Variants in BACH1 observed in about 807,000 individuals in gnomAD.
The protein encoded by BACH1 is transcription regulator protein BACH1.
In BACH1, 35 loss-of-function variants were observed where a neutral mutation model predicts 52.9. That is an observed-to-expected ratio of 0.66 (90% CI 0.51 to 0.88). BACH1 has a LOEUF of 0.88. Ranked by LOEUF, BACH1 falls within the 40% of genes least tolerant of loss-of-function variation. The pLI, the probability that BACH1 is intolerant of heterozygous loss-of-function variation, is 0.00. For synonymous variants in BACH1, 321 were observed against 319.6 expected (o/e 1.00, Z -0.05); for missense variants, 808 against 872.6 (o/e 0.93, Z 0.93).
At chr21:29,359,511 T>A (rs2089258508) in intron 2 of BACH1, 1 of 151,244 alleles carries the variant, frequency 6.6e-6, no homozygotes, top group Non-Finnish European at 1.5e-5. Context: ...TCATGAATCT[T>A]GAGACAATAA....
At chr21:29,325,216 C>T (rs149386570) in intron 2 of BACH1, among the ~76,000 whole-genome samples, 3 of 151,750 alleles carry the variant, frequency 2.0e-5, no homozygotes, top group South Asian at 2.1e-4. Context: ...GGCGACAGAG[C>T]GAGACTCCGT....
At chr21:29,355,924 C>T (rs988964055) in intron 2 of BACH1, among the ~76,000 whole-genome samples, 1 of 152,220 alleles carries the variant, frequency 6.6e-6, no homozygotes, top group Non-Finnish European at 1.5e-5. Flanking sequence ...GTAAAAACAA[C>T]ACTCTTCCCC....
chr21:29,325,432 A>G (rs571605402), intron 2 of BACH1, among the ~76,000 whole-genome samples: 5 of 152,124 alleles, frequency 3.3e-5, no homozygotes, highest in Admixed American at 6.5e-5. Context: ...CGAGTCCATG[A>G]ATTTTTGCTG....
At chr21:29,339,840 T>G (rs1394164616) in intron 4 of BACH1, among the ~76,000 whole-genome samples, 1 of 152,142 alleles carries the variant, frequency 6.6e-6, no homozygotes, top group Non-Finnish European at 1.5e-5. Flanking sequence ...TTCACCATGT[T>G]GGCTAAGCTG....
At chr21:29,322,425 G>C (rs148705646) in intron 2 of BACH1, among the ~76,000 whole-genome samples, 15 of 152,126 alleles carry the variant, frequency 9.9e-5, no homozygotes, top group African/African-American at 3.4e-4. Context: ...TTTTTCTCTG[G>C]TCTGTTGTGG....
In BACH1 at chr21:29,329,337, G is replaced by A; in HGVS notation, c.1570-150G>A. The A allele has an allele frequency of 1.4e-5, 7 of 484,644 alleles. No individual in the cohort carries two copies. In the South Asian group the frequency reaches 2.0e-4, roughly 14 times the overall value. 30.0% of individuals were successfully genotyped at this position (484,644 alleles called of 1,614,324 possible). Reference sequence around the variant, plus strand: ...TGTAGATCAGTGCAGATATCCTTTTGAGATTGTATAGAAATTGGGATAGAG... The same window carrying A: ...TGTAGATCAGTGCAGATATCCTTTTAAGATTGTATAGAAATTGGGATAGAG... On this transcript the variant is annotated intron_variant, in intron 3 of 4. Coordinates refer to ENST00000286800, the MANE Select transcript of BACH1 (RefSeq NM_001186.4).
chr21:29,357,331 G>A (rs933184148), intron 2 of BACH1, among the ~76,000 whole-genome samples: 1 of 152,116 alleles, frequency 6.6e-6, no homozygotes, highest in African/African-American at 2.4e-5. Flanking sequence ...TTAGCTACGG[G>A]GACTTCTAAG....
chr21:29,305,532 C>T (rs1203755193), intron 1 of BACH1, among the ~76,000 whole-genome samples: 2 of 152,126 alleles, frequency 1.3e-5, no homozygotes, highest in African/African-American at 4.8e-5. Context: ...CAACAGTGGT[C>T]ACAAATAGCA....
At chr21:29,317,240 C>A (rs73897764) in intron 1 of BACH1, among the ~76,000 whole-genome samples, 1,748 of 152,314 alleles carry the variant, frequency 0.011, 35 homozygotes, top group African/African-American at 0.04. Context: ...TGAAACCCAT[C>A]CCTGGTGCCA....
intron 2 of BACH1, among the ~76,000 whole-genome samples, chr21:29,359,724 A>T (rs1474106271): frequency 6.6e-6 from 1 of 152,136 alleles, no homozygotes. Context: ...AAAATAAAAA[A>T]GCTACATACC....
At chr21:29,334,397 C>T (rs991104244) in intron 4 of BACH1, among the ~76,000 whole-genome samples, 1 of 152,136 alleles carries the variant, frequency 6.6e-6, no homozygotes, top group Non-Finnish European at 1.5e-5. Flanking sequence ...TGCGCTCGGC[C>T]GACTTTTAAA....
In BACH1 at chr21:29,345,953, A is replaced by G. The variant is rs1204378471; in HGVS notation, c.*3120A>G. ...TATATCTTTCATAATATAATTTTCT[A>G]ACAATGCAATAAAACCACTAAACTT... is the stretch of plus-strand genomic sequence containing the variant. On this transcript the variant is annotated 3_prime_UTR_variant, in exon 5 of 5. Coordinates refer to ENST00000286800, the MANE Select transcript of BACH1 (RefSeq NM_001186.4). 2 of 152,636 alleles carry G rather than the reference A, an allele frequency of 1.3e-5. No homozygotes were observed. The highest frequency in any genetic ancestry group is 4.8e-5 in the African/African-American group (2 of 41,458). 9.5% of individuals were successfully genotyped at this position (152,636 alleles called of 1,614,324 possible).
At chr21:29,323,256 C>T (rs1272053918) in intron 2 of BACH1, among the ~76,000 whole-genome samples, 1 of 152,086 alleles carries the variant, frequency 6.6e-6, no homozygotes, top group Non-Finnish European at 1.5e-5. Context: ...CTCACATGTT[C>T]ACAAGGTGAA....
chr21:29,326,613 C>A lies in BACH1; in HGVS notation c.789C>A (p.Cys263Ter). ...VQPNERSENE[C>*]LGGVPECRDL... is the part of the protein sequence containing the mutation. Reference sequence around the variant, plus strand: ...CAAATGAAAGGTCTGAAAATGAATGCCTGGGAGGAGTCCCGGAGTGTAGAG... The same window carrying A: ...CAAATGAAAGGTCTGAAAATGAATGACTGGGAGGAGTCCCGGAGTGTAGAG... Residue 263 changes from cysteine (C) to a stop codon, truncating the protein, a stop_gained, in exon 3 of 5, where the codon TGC becomes TGA. Transcript: ENST00000286800. LOFTEE classifies it high-confidence loss of function. 1 of 1,614,154 alleles carries A rather than the reference C, an allele frequency of 6.2e-7. No individual in the cohort carries two copies. Among genetic ancestry groups the A allele is most frequent in the Non-Finnish European group, 8.5e-7 (1 of 1,180,028 alleles).
Position 29,345,533 on chromosome 21 carries a change from G to A in BACH1, c.*2700G>A, listed in dbSNP as rs116143045. On this transcript the variant is annotated 3_prime_UTR_variant, in exon 5 of 5. Transcript: ENST00000286800. Reference sequence around the variant, plus strand: ...TTCTTATTCAAATTCTGGAACTATAGCAAATAATTCGTTAAATTGTCATAT... The same window carrying A: ...TTCTTATTCAAATTCTGGAACTATAACAAATAATTCGTTAAATTGTCATAT... 2.2e-3 allele frequency: 336 copies of A among 152,184 alleles called. 1 individual carries two copies. The highest frequency in any genetic ancestry group is 7.8e-3 in the African/African-American group (323 of 41,508). The allele number at this position is 152,184 out of a possible 1,614,324, so 9.4% of individuals were successfully genotyped here. A position where few individuals can be genotyped will look rare whatever the true frequency, so the allele number is the denominator to read the frequency against.
intron 1 of BACH1, among the ~76,000 whole-genome samples, chr21:29,310,820 TTGAG>T (rs1221240277): frequency 2.0e-5 from 3 of 152,246 alleles, no homozygotes; most frequent in African/African-American, 7.2e-5. Context: ...AAAGGCTTGT[TTGAG>T]TGGCCTCAAA....
intron 1 of BACH1, among the ~76,000 whole-genome samples, chr21:29,302,089 A>G (rs1045643931): frequency 6.6e-6 from 1 of 151,986 alleles, no homozygotes; most frequent in African/African-American, 2.4e-5. Flanking sequence ...AGGAATCACC[A>G]CCTCTCTTCT....
At chr21:29,322,446 A>G (rs1207575169) in intron 2 of BACH1, among the ~76,000 whole-genome samples, 1 of 152,216 alleles carries the variant, frequency 6.6e-6, no homozygotes, top group Non-Finnish European at 1.5e-5. Context: ...AGCTCAGGCT[A>G]ACAAATATTT....
chr21:29,360,681 C>A (rs1453000596), intron 2 of BACH1, among the ~76,000 whole-genome samples: 1 of 152,002 alleles, frequency 6.6e-6, no homozygotes, highest in Admixed American at 6.6e-5. Flanking sequence ...CCTGTCTCTA[C>A]TAAAAATACA....
Sources: allele counts gnomAD v4.1 joint callset (sites outside exome capture counted in the v4.1 genomes callset), GRCh38; gene constraint gnomAD v4.1.1; transcripts MANE v1.5; gene names NCBI Gene and HGNC (gene_info 2026-07-23, HGNC 2026-07-21).